Variants in PABIR3 observed in about 807,000 individuals in gnomAD.
The protein encoded by PABIR3 is PABIR family member 1.
Under a neutral mutation model 23.1 loss-of-function variants are expected in PABIR3, and 20 were observed. The observed-to-expected ratio is 0.86, with a 90% CI of 0.61 to 1.26. The LOEUF (loss-of-function observed/expected upper bound fraction) is 1.26, where lower values mean the gene tolerates loss of function less well. Among genes scored for constraint, PABIR3 ranks in the 50% most tolerant of loss-of-function variants. The pLI, the probability that PABIR3 is intolerant of heterozygous loss-of-function variation, is 0.00. For missense variants in PABIR3, 189 were observed against 195.4 expected (o/e 0.97, Z 0.20); for synonymous variants, 69 against 68.5 (o/e 1.01, Z -0.04).
intron 2 of PABIR3, chrX:134,808,057 C>G: frequency 1.0e-5 from 3 of 299,358 alleles, no homozygotes; most frequent in Non-Finnish European, 1.8e-5. Context: ...TATCCTCCCC[C>G]ACTCACCTCC....
intron 3 of PABIR3, among the ~76,000 whole-genome samples, chrX:134,819,684 A>G (rs1162378363): frequency 9.0e-6 from 1 of 111,208 alleles, no homozygotes; most frequent in Non-Finnish European, 1.9e-5. Context: ...CGGGAGTTCA[A>G]GACCAACCTG....
chrX:134,838,460 C>T (rs2082043143), intron 4 of PABIR3, among the ~76,000 whole-genome samples: 1 of 108,449 alleles, frequency 9.2e-6, no homozygotes, highest in African/African-American at 3.4e-5. Flanking sequence ...ACTACAGGCA[C>T]CTGCCACCAC....
intron 8 of PABIR3, among the ~76,000 whole-genome samples, chrX:134,848,567 G>A (rs775477346): frequency 8.9e-6 from 1 of 112,019 alleles, no homozygotes; most frequent in Non-Finnish European, 1.9e-5. Context: ...AACTTCATCC[G>A]TGATTCTCAC....
chrX:134,813,993 A>G (rs1414208712), intron 2 of PABIR3, among the ~76,000 whole-genome samples: 4 of 108,482 alleles, frequency 3.7e-5, no homozygotes, highest in Admixed American at 2.0e-4. Flanking sequence ...TTTTAATGTG[A>G]AATCTTTCAG....
chrX:134,822,131 T>C (rs1442766630), intron 3 of PABIR3: 6 of 752,091 alleles, frequency 8.0e-6, no homozygotes, highest in Non-Finnish European at 9.4e-6. Context: ...TTGGTGCTGA[T>C]ACTCTTGGTT....
intron 8 of PABIR3, among the ~76,000 whole-genome samples, chrX:134,848,734 G>C (rs1388618868): frequency 8.9e-6 from 1 of 111,958 alleles, no homozygotes; most frequent in Non-Finnish European, 1.9e-5. Context: ...GAGCATGGTG[G>C]CTCACACCTG....
At chrX:134,843,970 G>GC (rs1410421536) in intron 4 of PABIR3, 1 of 97,191 alleles carries the variant, frequency 1.0e-5, no homozygotes, top group Non-Finnish European at 2.0e-5. Context: ...TGTCATTCAG[G>GC]CTGGAGTACA....
chrX:134,818,219 T>C (rs779663497), intron 3 of PABIR3, among the ~76,000 whole-genome samples: 75 of 111,953 alleles, frequency 6.7e-4, no homozygotes, highest in African/African-American at 2.3e-3. Flanking sequence ...TGATGTTCGA[T>C]GTACTAGTTT....
chrX:134,815,304 A>G (rs1288283931), intron 3 of PABIR3, among the ~76,000 whole-genome samples: 1 of 110,970 alleles, frequency 9.0e-6, no homozygotes, highest in Non-Finnish European at 1.9e-5. Context: ...TGTAAATAAG[A>G]TTTGCTTTTC....
At chrX:134,803,988 GT>G, upstream of PABIR3, 1 of 221,813 alleles carries the variant, frequency 4.5e-6, no homozygotes, top group Non-Finnish European at 8.2e-6. Flanking sequence ...GGTTTGACTT[GT>G]ATTTGACTTG....
intron 4 of PABIR3, among the ~76,000 whole-genome samples, chrX:134,837,223 G>T (rs1340318282): frequency 1.8e-5 from 2 of 110,093 alleles, no homozygotes; most frequent in Non-Finnish European, 3.8e-5. Context: ...AGGCATGCCT[G>T]TAATCCCAGC....
the PABIR3 span, among the ~76,000 whole-genome samples, chrX:134,859,949 A>G: frequency 2.7e-5 from 3 of 111,674 alleles, no homozygotes; most frequent in African/African-American, 3.3e-5. Flanking sequence ...TTCCATTTCT[A>G]GTCTCCCTCT....
chrX:134,856,188 A>T (rs868094722), downstream of PABIR3, among the ~76,000 whole-genome samples: 18 of 95,272 alleles, frequency 1.9e-4, no homozygotes, highest in South Asian at 2.9e-3. Context: ...CTATTCAGTT[A>T]TTTTTTTTTT....
chrX:134,799,291 G>C (rs930661994), intron 1 of PABIR3, among the ~76,000 whole-genome samples: 1 of 112,173 alleles, frequency 8.9e-6, no homozygotes, highest in African/African-American at 3.2e-5. Flanking sequence ...GAAGGAGAGA[G>C]TTATTATCTT....
intron 3 of PABIR3, among the ~76,000 whole-genome samples, chrX:134,825,964 C>A (rs185346867): frequency 1.1e-3 from 119 of 108,606 alleles, no homozygotes; most frequent in African/African-American, 3.8e-3. Context: ...GTGTGAGCCA[C>A]CGCATCCAGA....
chrX:134,856,899 C>G (rs192988350), downstream of PABIR3, among the ~76,000 whole-genome samples: 4 of 110,681 alleles, frequency 3.6e-5, no homozygotes, highest in East Asian at 8.6e-4. Context: ...GTAATCCCAG[C>G]TACTCAGGAG....
intron 1 of PABIR3, among the ~76,000 whole-genome samples, chrX:134,797,823 T>G (rs2148032117): frequency 9.2e-6 from 1 of 108,379 alleles, no homozygotes; most frequent in African/African-American, 3.4e-5. Context: ...TTTTTTTTTT[T>G]TTTTTTTTTA....
At chrX:134,864,156 T>A in the PABIR3 span, among the ~76,000 whole-genome samples, 1 of 110,621 alleles carries the variant, frequency 9.0e-6, no homozygotes, top group Non-Finnish European at 1.9e-5. Context: ...GTTCAAGTGA[T>A]TCTCCTGCCT....
intron 4 of PABIR3, chrX:134,831,608 T>A (rs979573053): frequency 1.2e-3 from 135 of 111,488 alleles, no homozygotes; most frequent in African/African-American, 4.1e-3. Context: ...CCTGGGTTTT[T>A]AAAAAGTAAT....
Sources: gnomAD v4.1 joint callset for allele counts (sites outside exome capture counted in the v4.1 genomes callset) on GRCh38, gnomAD v4.1.1 for gene constraint, MANE v1.5 for transcripts, NCBI Gene and HGNC (gene_info 2026-07-23, HGNC 2026-07-21) for gene names.